CMIP: variants seen among roughly 807,000 people sequenced by gnomAD.
CMIP encodes the protein C-Maf-inducing protein.
In CMIP, 13 loss-of-function variants were observed where a neutral mutation model predicts 97.3. The ratio of observed to expected loss-of-function variants is 0.13; its 90% confidence interval spans 0.09 to 0.21. The LOEUF is 0.21. CMIP is among the 10% of genes least tolerant of loss of function. The pLI, the probability that CMIP is intolerant of heterozygous loss-of-function variation, is 1.00. For missense variants in CMIP, 847 were observed against 1,024.9 expected (o/e 0.83, Z 2.37); for synonymous variants, 538 against 436.3 (o/e 1.23, Z -2.91).
rs1597437611 is a variant in CMIP at position 81,445,336 on chromosome 16, G to A, written c.95G>A (p.Gly32Asp). The A allele has an allele frequency of 1.3e-6, 2 of 1,595,740 alleles. No individual in the cohort carries two copies. The highest frequency in any genetic ancestry group is 8.5e-7 in the Non-Finnish European group (1 of 1,172,068). ...LLGGDVSAPE[G>D]TKMGAVPCRR... ...GGGGGCGACGTGTCGGCCCCCGAAGGCACGAAGATGGGCGCCGTGCCCTGC... is the reference window on the plus strand; with the variant it reads ...GGGGGCGACGTGTCGGCCCCCGAAGACACGAAGATGGGCGCCGTGCCCTGC... The change falls in exon 1 of 21, where the codon GGC becomes GAC. Residue 32 changes from glycine to aspartate, a missense_variant. Gly to Asp is a moderately conservative substitution (Grantham distance 94). Transcript: ENST00000537098.
Position 81,614,218 on chromosome 16 carries a change from A to G in CMIP, c.426+6526A>G, listed in dbSNP as rs1395712798. 1.3e-5 allele frequency among the ~76,000 whole-genome samples: 2 copies of G among 152,318 alleles called. No homozygotes were observed. Among genetic ancestry groups the G allele is most frequent in the African/African-American group, 2.4e-5 (1 of 41,564 alleles). On this transcript the variant is annotated intron_variant, in intron 2 of 20. Transcript: ENST00000537098. The surrounding 1 kb of genome is among the most constrained non-coding windows in gnomAD (Gnocchi z 5.3). ...TTCCTGGTGGGGGAGTACACGCTGC[A>G]TGGAAGCCAGTCTGAGAGCAGGGCA...
Position 81,660,812 on chromosome 16 carries a change from C to T in CMIP, c.682-72C>T. 4 of 1,520,558 alleles carry T rather than the reference C, an allele frequency of 2.6e-6. No homozygotes were observed. The South Asian group carries it at 3.4e-5, about 13-fold the overall frequency. 94.2% of individuals were successfully genotyped at this position (1,520,558 alleles called of 1,614,324 possible). On this transcript the variant is annotated intron_variant, in intron 5 of 20. Coordinates refer to ENST00000537098, the MANE Select transcript of CMIP (RefSeq NM_198390.3). ...TTATTTTTTTCACTTCACAATATGG[C>T]CTGGAGATTGTTCGAAGTCTTTCCG...
intron 1 of CMIP, among the ~76,000 whole-genome samples, chr16:81,486,315 G>A (rs982001067): frequency 5.3e-5 from 8 of 149,814 alleles, no homozygotes; most frequent in Admixed American, 4.6e-4. Context: ...CCTTGCATCT[G>A]TTTCGTCCAT....
At chr16:81,538,544 G>T (rs1348777455) in intron 1 of CMIP, among the ~76,000 whole-genome samples, 1 of 152,192 alleles carries the variant, frequency 6.6e-6, no homozygotes, top group South Asian at 2.1e-4. Flanking sequence ...AATTTAAGAA[G>T]AGCCTGGTTT....
chr16:81,563,035 A>G (rs1357652997), intron 1 of CMIP, among the ~76,000 whole-genome samples: 1 of 152,214 alleles, frequency 6.6e-6, no homozygotes, highest in Non-Finnish European at 1.5e-5. Context: ...TCCAGTGGGC[A>G]GGAATCTCAC....
At chr16:81,584,141 C>A (rs908162461) in intron 1 of CMIP, among the ~76,000 whole-genome samples, 3 of 152,052 alleles carry the variant, frequency 2.0e-5, no homozygotes. Flanking sequence ...GGCGTGGTTG[C>A]CACAAGCCAG....
intron 2 of CMIP, among the ~76,000 whole-genome samples, chr16:81,612,597 C>T (rs1018794981): frequency 1.4e-4 from 22 of 152,266 alleles, no homozygotes; most frequent in African/African-American, 4.3e-4. Context: ...CACAGCGCAC[C>T]CTGGGCTGTT....
chr16:81,606,880 A>C (rs769696341), intron 1 of CMIP: 7 of 155,012 alleles, frequency 4.5e-5, no homozygotes, highest in Non-Finnish European at 1.0e-4. Context: ...GTAGAAGCGC[A>C]GATGCCAGGG....
intron 9 of CMIP, among the ~76,000 whole-genome samples, chr16:81,674,659 C>T (rs1288142411): frequency 6.6e-6 from 1 of 152,034 alleles, no homozygotes; most frequent in East Asian, 1.9e-4. Context: ...AATCTTGGCT[C>T]ACTACAGCCT....
intron 1 of CMIP, among the ~76,000 whole-genome samples, chr16:81,467,284 G>A (rs1424204487): frequency 3.9e-5 from 6 of 152,286 alleles, no homozygotes; most frequent in Admixed American, 3.9e-4. Context: ...TGAGGCGCTT[G>A]ACAACCTTCT....
chr16:81,571,390 C>T (rs1332071000), intron 1 of CMIP, among the ~76,000 whole-genome samples: 1 of 151,792 alleles, frequency 6.6e-6, no homozygotes, highest in Non-Finnish European at 1.5e-5. Flanking sequence ...ATCTTTTGAG[C>T]CCAGGAATTT....
rs1026007742 is a variant in CMIP at position 81,678,161 on chromosome 16, T to C, written c.1035-114T>C. 1.7e-5 allele frequency: 12 copies of C among 709,316 alleles called. No individual in the cohort carries two copies. In the African/African-American group the frequency reaches 2.0e-4, roughly 12 times the overall value. 43.9% of individuals were successfully genotyped at this position (709,316 alleles called of 1,614,324 possible). A position where few individuals can be genotyped will look rare whatever the true frequency, so the allele number is the denominator to read the frequency against. On this transcript the variant is annotated intron_variant, in intron 9 of 20. Transcript: ENST00000537098. ...CTCATTTGTAGCACAGGAATGATGATAGTATTACATTTTGGCCTCATCCTG... is the reference window on the plus strand; with the variant it reads ...CTCATTTGTAGCACAGGAATGATGACAGTATTACATTTTGGCCTCATCCTG...
At chr16:81,572,001 G>C (rs534597117) in intron 1 of CMIP, among the ~76,000 whole-genome samples, 1 of 152,202 alleles carries the variant, frequency 6.6e-6, no homozygotes, top group African/African-American at 2.4e-5. Context: ...TGCATCATGA[G>C]ACCCTTGGTG....
At chr16:81,593,224 G>A (rs2091493194) in intron 1 of CMIP, among the ~76,000 whole-genome samples, 1 of 152,208 alleles carries the variant, frequency 6.6e-6, no homozygotes, top group Non-Finnish European at 1.5e-5. Flanking sequence ...GCTGCAGGCT[G>A]TGCTGCTGAG....
At chr16:81,639,630 C>T (rs2092279922) in intron 3 of CMIP, among the ~76,000 whole-genome samples, 1 of 152,188 alleles carries the variant, frequency 6.6e-6, no homozygotes, top group African/African-American at 2.4e-5. Context: ...TAGACCACAC[C>T]TTATGTCTCT....
chr16:81,482,780 C>T (rs2089246439), intron 1 of CMIP, among the ~76,000 whole-genome samples: 1 of 152,240 alleles, frequency 6.6e-6, no homozygotes, highest in Admixed American at 6.5e-5. Flanking sequence ...TGAATCCAAA[C>T]TCCACCACAT....
At chr16:81,578,126 C>CCATCACCAT (rs1249308842) in intron 1 of CMIP, among the ~76,000 whole-genome samples, 1 of 151,890 alleles carries the variant, frequency 6.6e-6, no homozygotes, top group Non-Finnish European at 1.5e-5. Flanking sequence ...ATCACTATCA[C>CCATCACCAT]CATCACCATC....
At chr16:81,570,468 T>C (rs1445386544) in intron 1 of CMIP, among the ~76,000 whole-genome samples, 3 of 152,150 alleles carry the variant, frequency 2.0e-5, no homozygotes, top group Non-Finnish European at 1.5e-5. Context: ...TGTATTTTTT[T>C]AGTCTATAAA....
intron 3 of CMIP, among the ~76,000 whole-genome samples, chr16:81,633,907 A>G (rs894316797): frequency 6.6e-6 from 1 of 152,200 alleles, no homozygotes; most frequent in Admixed American, 6.5e-5. Flanking sequence ...ACCATTCATC[A>G]TGTCTGTTGA....
Sources: allele counts gnomAD v4.1 joint callset (sites outside exome capture counted in the v4.1 genomes callset), GRCh38; gene constraint gnomAD v4.1.1; non-coding constraint Gnocchi (gnomAD v3.1); transcripts MANE v1.5; gene names NCBI Gene and HGNC (gene_info 2026-07-23, HGNC 2026-07-21).